PHF20L1: variants seen among roughly 807,000 people sequenced by gnomAD.
The protein encoded by PHF20L1 is PHD finger protein 20 like 1.
Under a neutral mutation model 125.5 loss-of-function variants are expected in PHF20L1, and 44 were observed. The observed-to-expected ratio is 0.35, with a 90% CI of 0.28 to 0.45. The LOEUF (loss-of-function observed/expected upper bound fraction) is 0.45. PHF20L1 is among the 20% of genes least tolerant of loss of function. The probability of loss-of-function intolerance (pLI) is 1.00; values close to 1 mark genes in which losing one functional copy is unlikely to be tolerated. For missense variants in PHF20L1, 1,012 were observed against 1,217.2 expected, an observed-to-expected ratio of 0.83 and a Z score of 2.51; for synonymous variants, 380 against 403.1, an observed-to-expected ratio of 0.94 and a Z score of 0.69.
At chr8:132,799,836 A>T (rs967946821) in intron 6 of PHF20L1, 2 of 151,906 alleles carry the variant, frequency 1.3e-5, no homozygotes, top group African/African-American at 2.4e-5. Flanking sequence ...TTATGAAATG[A>T]TTAGCAAGCA....
intron 4 of PHF20L1, among the ~76,000 whole-genome samples, chr8:132,796,552 G>A (rs1382949151): frequency 2.6e-5 from 4 of 152,102 alleles, no homozygotes; most frequent in African/African-American, 7.2e-5. Flanking sequence ...CCAATGTATT[G>A]TCTTAATGAA....
intron 13 of PHF20L1, 31 bp downstream of exon 13, chr8:132,824,091 GA>G: frequency 7.1e-7 from 1 of 1,406,912 alleles, no homozygotes; most frequent in South Asian, 1.2e-5. Context: ...TTAAGCAAAA[GA>G]CTATAAAGCT....
intron 4 of PHF20L1, among the ~76,000 whole-genome samples, chr8:132,796,946 T>G (rs923967420): frequency 6.6e-6 from 1 of 152,082 alleles, no homozygotes; most frequent in African/African-American, 2.4e-5. Context: ...GTTACATGCT[T>G]AAAGTTCCCT....
In PHF20L1 at chr8:132,792,889, T is replaced by A. The variant is rs183379520; in HGVS notation, c.84-1521T>A. Among the ~76,000 whole-genome samples, 176 of 152,270 alleles carry A rather than the reference T, an allele frequency of 1.2e-3. 1 individual carries two copies. Among genetic ancestry groups the A allele is most frequent in the African/African-American group, 4.1e-3 (171 of 41,548 alleles). ...CCGTCTCGTTGACTGCACCAAGAAG[T>A]CTTTCAATAAAGAATGCAGCCTAAC... On this transcript the variant is annotated intron_variant, in intron 2 of 20. Transcript: ENST00000395386.
At chr8:132,804,929 AAAAAT>A (rs1034862997) in intron 8 of PHF20L1, among the ~76,000 whole-genome samples, 189 bp downstream of exon 8, 1 of 151,950 alleles carries the variant, frequency 6.6e-6, no homozygotes. Flanking sequence ...GTAAAATGTG[AAAAAT>A]ACCACATATC....
At chr8:132,794,290 G>A (rs930613691) in intron 2 of PHF20L1, 120 bp from the exon 3 acceptor site, 20 of 584,782 alleles carry the variant, frequency 3.4e-5, no homozygotes, top group Admixed American at 1.6e-4. Flanking sequence ...AAATATGGAC[G>A]TATTTATTGT....
intron 16 of PHF20L1, among the ~76,000 whole-genome samples, 165 bp downstream of exon 16, chr8:132,836,886 A>G (rs1837414424): frequency 6.6e-6 from 1 of 152,130 alleles, no homozygotes. Flanking sequence ...TTCCTCATTA[A>G]GTAAAGTAGA....
chr8:132,796,302 G>T (rs1832384561), intron 4 of PHF20L1, among the ~76,000 whole-genome samples: 1 of 152,022 alleles, frequency 6.6e-6, no homozygotes, highest in Non-Finnish European at 1.5e-5. Flanking sequence ...GAAAGGCAAA[G>T]ATTGGTATAT....
chr8:132,789,675 ACG>A (rs1447250087), intron 2 of PHF20L1, among the ~76,000 whole-genome samples: 1 of 152,170 alleles, frequency 6.6e-6, no homozygotes, highest in African/African-American at 2.4e-5. Context: ...TACAAGACAT[ACG>A]AGAGAGCAAG....
intron 2 of PHF20L1, among the ~76,000 whole-genome samples, chr8:132,787,047 T>C (rs151197107): frequency 1.6e-5 from 2 of 124,876 alleles, no homozygotes; most frequent in East Asian, 4.4e-4. Context: ...TAAGTAGTTG[T>C]AGCTTGAAAA....
Position 132,845,594 on chromosome 8 carries a change from G to A in PHF20L1, c.2912-187G>A, listed in dbSNP as rs1014825095. Among the ~76,000 whole-genome samples the A allele has an allele frequency of 5.9e-5, 9 of 151,850 alleles. No homozygotes were observed. In the South Asian group the frequency reaches 6.2e-4, roughly 11 times the overall value. On this transcript the variant is annotated intron_variant, in intron 20 of 20. Transcript: ENST00000395386. ...AATGACAGATAAAAATTGCCAAGAG[G>A]GACTAGAACTCTGTGGGGTGGGATG...
At chr8:132,812,532 A>G in intron 9 of PHF20L1, 2 of 984,980 alleles carry the variant, frequency 2.0e-6, no homozygotes, top group Non-Finnish European at 2.4e-6. Context: ...AGTCCTTGCC[A>G]GTTTTGTAAC....
At chr8:132,818,401 G>T (rs1835208319) in intron 12 of PHF20L1, 1 of 151,878 alleles carries the variant, frequency 6.6e-6, no homozygotes, top group Non-Finnish European at 1.5e-5. Context: ...TGTGTTTACA[G>T]GCGTCTTCCC....
At chr8:132,780,834 G>A (rs1586838008) in intron 2 of PHF20L1, among the ~76,000 whole-genome samples, 1 of 148,030 alleles carries the variant, frequency 6.8e-6, no homozygotes, top group Non-Finnish European at 1.5e-5. Context: ...CCTATTAAAG[G>A]TTTTTCTTGC....
intron 2 of PHF20L1, among the ~76,000 whole-genome samples, chr8:132,789,504 A>G (rs1175832837): frequency 2.6e-5 from 4 of 152,182 alleles, no homozygotes; most frequent in Non-Finnish European, 4.4e-5. Flanking sequence ...TGAGTATGTG[A>G]AAATTCTGTT....
At position 132,844,222 on chromosome 8, in the gene PHF20L1, T is replaced by A. The variant is rs557659691; in HGVS notation, c.2815T>A (p.Ser939Thr). 1.9e-6 allele frequency: 3 copies of A among 1,612,874 alleles called. No homozygotes were observed. The South Asian group carries it at 3.3e-5, about 18-fold the overall frequency. ...DKKGTEDPGD[S>T]HLQWQLNLLT... is the part of the protein sequence containing the mutation. ...AAAGGGCACCGAAGACCCAGGAGAC[T>A]CACATCTTCAGTGGCAGCTCAATCT... The change falls in exon 20 of 21, where the codon TCA (serine) becomes ACA (threonine). Residue 939 changes from serine (S) to threonine (T), a missense_variant. Physicochemically the swap from Ser to Thr is moderately conservative, Grantham distance 58. Transcript: ENST00000395386.
At chr8:132,828,764 C>T (rs1217009598) in intron 14 of PHF20L1, among the ~76,000 whole-genome samples, 2 of 152,008 alleles carry the variant, frequency 1.3e-5, no homozygotes, top group Non-Finnish European at 2.9e-5. Context: ...CAAATCACTT[C>T]ATCTGTCTTT....
chr8:132,832,472 C>A, intron 15 of PHF20L1, 73 bp downstream of exon 15: 1 of 1,036,424 alleles, frequency 9.6e-7, no homozygotes, highest in South Asian at 1.7e-5. Flanking sequence ...AAAACGTACT[C>A]TGTTAAGAGC....
chr8:132,811,237 A>T, intron 9 of PHF20L1, 109 bp downstream of exon 9: 1 of 1,515,522 alleles, frequency 6.6e-7, no homozygotes, highest in Non-Finnish European at 8.9e-7. Context: ...TGGGAATAGG[A>T]AGCTAATTAA....
Sources: gnomAD v4.1 joint callset for allele counts (sites outside exome capture counted in the v4.1 genomes callset) on GRCh38, gnomAD v4.1.1 for gene constraint, MANE v1.5 for transcripts, NCBI Gene and HGNC (gene_info 2026-07-23, HGNC 2026-07-21) for gene names.